RPS6KA2: variants seen among roughly 807,000 people sequenced by gnomAD.
The protein encoded by RPS6KA2 is ribosomal protein S6 kinase A2.
RPS6KA2 carries 42 observed loss-of-function variants against 91.8 expected under a neutral mutation model. The observed-to-expected ratio is 0.46, with a 90% CI of 0.36 to 0.59. The LOEUF is 0.59. Ranked by LOEUF, RPS6KA2 falls within the 20% of genes least tolerant of loss-of-function variation. The pLI, the probability that RPS6KA2 is intolerant of heterozygous loss-of-function variation, is 0.00. For missense variants in RPS6KA2, 798 were observed against 978.5 expected, an observed-to-expected ratio of 0.82 and a Z score of 2.46; for synonymous variants, 414 against 393.6, an observed-to-expected ratio of 1.05 and a Z score of -0.61.
intron 14 of RPS6KA2, among the ~76,000 whole-genome samples, chr6:166,441,874 GCC>G (rs1326924201): frequency 6.6e-6 from 1 of 152,236 alleles, no homozygotes; most frequent in East Asian, 1.9e-4. Context: ...GCTGCCGGGG[GCC>G]GGGGGCCGGG....
chr6:166,862,179 T>C (rs968485060), exon 1 of RPS6KA2: 3 of 1,614,172 alleles, frequency 1.9e-6, no homozygotes, highest in African/African-American at 1.3e-5. Context: ...ATTTTTAAAC[T>C]TTCCTTTTCT....
chr6:166,665,678 T>C lies in RPS6KA2; in HGVS notation c.124-126894A>G, dbSNP rs1489069491. ...GACATGAAGTTTGCTACTGAAGGTCTCCCAGCAAGCTGCAGGCGGCCCTGA... is the reference window on the plus strand; with the variant it reads ...GACATGAAGTTTGCTACTGAAGGTCCCCCAGCAAGCTGCAGGCGGCCCTGA... On this transcript the variant is annotated intron_variant, in intron 2 of 21. Coordinates refer to the RPS6KA2 transcript ENST00000503859. This position sits in a 1 kb window ranked among gnomAD's most constrained non-coding sequence, Gnocchi z 4.5. 2.0e-5 allele frequency among the ~76,000 whole-genome samples: 3 copies of C among 152,170 alleles called. No homozygotes were observed. The highest frequency in any genetic ancestry group is 4.4e-5 in the Non-Finnish European group (3 of 68,028).
chr6:166,765,319 C>T (rs919347819), intron 2 of RPS6KA2, among the ~76,000 whole-genome samples: 7 of 152,192 alleles, frequency 4.6e-5, no homozygotes, highest in Non-Finnish European at 5.9e-5. Flanking sequence ...CACCGGCCCT[C>T]AAGTAGAGGA....
intron 2 of RPS6KA2, among the ~76,000 whole-genome samples, chr6:166,658,347 C>T (rs16899289): frequency 0.11 from 16,801 of 152,198 alleles, 999 homozygotes; most frequent in South Asian, 0.17. Flanking sequence ...GCCCACTGTA[C>T]GCAGAGATCA....
chr6:166,812,199 TA>T (rs1411069095), intron 2 of RPS6KA2, among the ~76,000 whole-genome samples: 1 of 151,366 alleles, frequency 6.6e-6, no homozygotes, highest in Non-Finnish European at 1.5e-5. Flanking sequence ...CTACTAAAAA[TA>T]AAAAAATTAG....
upstream of RPS6KA2, chr6:166,627,336 C>G: frequency 1.8e-6 from 1 of 566,786 alleles, no homozygotes; most frequent in African/African-American, 2.0e-5. Flanking sequence ...CCCCGGCACG[C>G]ACACCTCCTC....
chr6:166,795,328 A>G (rs1485041640), intron 2 of RPS6KA2, among the ~76,000 whole-genome samples: 1 of 152,214 alleles, frequency 6.6e-6, no homozygotes, highest in East Asian at 1.9e-4. Context: ...ATAATAGAAA[A>G]AAGAAAAACA....
At chr6:166,755,306 C>T (rs1002410988) in intron 2 of RPS6KA2, among the ~76,000 whole-genome samples, 6 of 152,000 alleles carry the variant, frequency 3.9e-5, no homozygotes, top group East Asian at 3.9e-4. Flanking sequence ...CCTACAACCC[C>T]GGGCATGGCA....
chr6:166,610,628 A>G (rs1478319106), intron 1 of RPS6KA2, among the ~76,000 whole-genome samples: 1 of 152,238 alleles, frequency 6.6e-6, no homozygotes. Context: ...TCCTATATTA[A>G]TAACAAATTC....
chr6:166,675,296 G>GC (rs1206235199), intron 2 of RPS6KA2, among the ~76,000 whole-genome samples: 2 of 152,302 alleles, frequency 1.3e-5, no homozygotes, highest in South Asian at 4.1e-4. Context: ...CAGTGGGGAA[G>GC]CCCCTGCAGT....
intron 1 of RPS6KA2, among the ~76,000 whole-genome samples, chr6:166,578,724 C>T (rs1280494588): frequency 6.6e-6 from 1 of 152,218 alleles, no homozygotes; most frequent in South Asian, 2.1e-4. Flanking sequence ...ACAGGAGTCA[C>T]CGTGCCAGGA....
intron 2 of RPS6KA2, among the ~76,000 whole-genome samples, chr6:166,743,337 G>A (rs1464486421): frequency 1.3e-5 from 2 of 152,236 alleles, no homozygotes; most frequent in African/African-American, 4.8e-5. Flanking sequence ...AGGAAGGGCT[G>A]GAGAACACTG....
intron 6 of RPS6KA2, 93 bp from the exon 7 acceptor site, chr6:166,501,017 G>A: frequency 8.3e-7 from 1 of 1,205,624 alleles, no homozygotes; most frequent in Non-Finnish European, 1.2e-6. Flanking sequence ...GGGGCAGCTG[G>A]GGGCGGACGT....
intron 2 of RPS6KA2, among the ~76,000 whole-genome samples, chr6:166,816,445 C>T (rs1055404108): frequency 2.7e-5 from 4 of 150,340 alleles, no homozygotes; most frequent in Non-Finnish European, 5.9e-5. Context: ...ATCCCAGCTA[C>T]TTGGGAGGCT....
Position 166,495,212 on chromosome 6 carries a change from A to G in RPS6KA2, c.747+3296T>C, listed in dbSNP as rs927673852. On this transcript the variant is annotated intron_variant, in intron 8 of 20. Transcript: ENST00000265678. This position sits in a 1 kb window ranked among gnomAD's most constrained non-coding sequence, Gnocchi z 4.4. ...ACCGTCTTTCCTGCCCGGCTTGGAG[A>G]TTGTTGGGTTGAGATCAAATGTGAA... 6.6e-6 allele frequency among the ~76,000 whole-genome samples: 1 copy of G among 151,926 alleles called. No individual in the cohort carries two copies. The highest frequency in any genetic ancestry group is 2.4e-5 in the African/African-American group (1 of 41,300).
rs368335479 is a variant in RPS6KA2, at chr6:166,508,742, G to A, written c.380-460C>T. Among the ~76,000 whole-genome samples the A allele has an allele frequency of 1.3e-5, 2 of 152,148 alleles. No individual in the cohort carries two copies. Among genetic ancestry groups the A allele is most frequent in the Non-Finnish European group, 2.9e-5 (2 of 68,028 alleles). Reference sequence around the variant, plus strand: ...CCACTCTGGTACCAGGGAGCCCCCCGCTTGCCTTCCTCTCTTGAGGCAGTT... The same window carrying A: ...CCACTCTGGTACCAGGGAGCCCCCCACTTGCCTTCCTCTCTTGAGGCAGTT... On this transcript the variant is annotated intron_variant, in intron 4 of 20. Coordinates refer to ENST00000265678, the MANE Select transcript of RPS6KA2 (RefSeq NM_021135.6). The surrounding 1 kb of genome is among the most constrained non-coding windows in gnomAD (Gnocchi z 4.3).
intron 1 of RPS6KA2, among the ~76,000 whole-genome samples, chr6:166,576,092 G>C (rs185853968): frequency 1.3e-5 from 2 of 152,244 alleles, no homozygotes; most frequent in African/African-American, 4.8e-5. Context: ...TTCTGCCTTT[G>C]CTTCTTTCTC....
intron 2 of RPS6KA2, among the ~76,000 whole-genome samples, chr6:166,741,784 C>T (rs1362560199): frequency 6.6e-6 from 1 of 152,170 alleles, no homozygotes; most frequent in Non-Finnish European, 1.5e-5. Context: ...TGGGTAGCCC[C>T]GTTTCCAGCA....
intron 2 of RPS6KA2, among the ~76,000 whole-genome samples, chr6:166,850,426 T>C (rs1479229903): frequency 1.3e-5 from 2 of 152,160 alleles, no homozygotes; most frequent in Non-Finnish European, 2.9e-5. Context: ...GTAATTCTTG[T>C]AAATCAATAA....
Sources: allele counts gnomAD v4.1 joint callset (sites outside exome capture counted in the v4.1 genomes callset), GRCh38; gene constraint gnomAD v4.1.1; non-coding constraint Gnocchi (gnomAD v3.1); transcripts MANE v1.5; gene names NCBI Gene and HGNC (gene_info 2026-07-23, HGNC 2026-07-21).